TMED3: variants seen among roughly 807,000 people sequenced by gnomAD.
TMED3 encodes transmembrane p24 trafficking protein 3.
Under a neutral mutation model 15.0 loss-of-function variants are expected in TMED3, and 9 were observed. The observed-to-expected ratio is 0.60, with a 90% CI of 0.36 to 1.04. The LOEUF is 1.04. TMED3 is among the 50% of genes least tolerant of loss of function. The probability of loss-of-function intolerance (pLI) is 0.01; values close to 1 mark genes in which losing one functional copy is unlikely to be tolerated. For missense variants in TMED3, 267 were observed against 278.9 expected (o/e 0.96, Z 0.30); for synonymous variants, 117 against 121.4 (o/e 0.96, Z 0.24).
chr15:79,398,047 G>T (rs1221526924), intron 2 of TMED3, among the ~76,000 whole-genome samples: 1 of 152,010 alleles, frequency 6.6e-6, no homozygotes, highest in African/African-American at 2.4e-5. Context: ...TACATCCTTT[G>T]GTTTTGGACA....
chr15:79,354,607 C>T (rs987900942), intron 2 of TMED3, among the ~76,000 whole-genome samples: 32 of 143,004 alleles, frequency 2.2e-4, no homozygotes, highest in Middle Eastern at 3.6e-3. Context: ...GAAAACACTC[C>T]AATGAATAGA....
At chr15:79,371,312 G>A (rs1482097199) in intron 2 of TMED3, among the ~76,000 whole-genome samples, 1 of 152,122 alleles carries the variant, frequency 6.6e-6, no homozygotes, top group Admixed American at 6.5e-5. Context: ...CATATAAAAT[G>A]TCTTTTGTTG....
intron 2 of TMED3, among the ~76,000 whole-genome samples, chr15:79,401,821 G>A (rs182485872): frequency 6.6e-6 from 1 of 152,238 alleles, no homozygotes; most frequent in Non-Finnish European, 1.5e-5. Flanking sequence ...TGTTGGGTGG[G>A]GATGTTTAAT....
At chr15:79,386,426 A>G (rs1201869841) in intron 2 of TMED3, among the ~76,000 whole-genome samples, 1 of 152,114 alleles carries the variant, frequency 6.6e-6, no homozygotes, top group Non-Finnish European at 1.5e-5. Flanking sequence ...TTATGTTATT[A>G]TATGCTACAT....
downstream of TMED3, among the ~76,000 whole-genome samples, chr15:79,324,140 G>A (rs369542358): frequency 2.5e-3 from 374 of 152,158 alleles, no homozygotes; most frequent in African/African-American, 8.5e-3. Context: ...ACAGGCACCC[G>A]CCACCACGCC....
In TMED3 at chr15:79,389,905, A is replaced by G. The variant is rs1893675844; in HGVS notation, c.418-21495A>G. Among the ~76,000 whole-genome samples, 5 of 152,176 alleles carry G rather than the reference A, an allele frequency of 3.3e-5. No homozygotes were observed. In the South Asian group the frequency reaches 1.0e-3, roughly 32 times the overall value. On this transcript the variant is annotated intron_variant, in intron 2 of 2. Transcript: ENST00000424155. ...TTCTCCACTTGGTTGCTGTTGGTGTATAGAAGAGCTACTGATCTGTGTACA... is the reference window on the plus strand; with the variant it reads ...TTCTCCACTTGGTTGCTGTTGGTGTGTAGAAGAGCTACTGATCTGTGTACA...
intron 2 of TMED3, among the ~76,000 whole-genome samples, chr15:79,335,906 T>C (rs2058825360): frequency 6.6e-6 from 1 of 152,206 alleles, no homozygotes; most frequent in African/African-American, 2.4e-5. Context: ...TTGTGTGGCA[T>C]TTCATTAATC....
Position 79,401,678 on chromosome 15 carries a change from A to C in TMED3, c.418-9722A>C, listed in dbSNP as rs140274613. On this transcript the variant is annotated intron_variant, in intron 2 of 2. Transcript: ENST00000424155. Reference sequence around the variant, plus strand: ...AAAACGAAGAACAGTGACATGGGGTAGTGCGAAAGAGTTACTTCACCTTTC... The same window carrying C: ...AAAACGAAGAACAGTGACATGGGGTCGTGCGAAAGAGTTACTTCACCTTTC... Among the ~76,000 whole-genome samples the C allele has an allele frequency of 7.9e-5, 12 of 152,332 alleles. 1 individual carries two copies. In the East Asian group the frequency reaches 2.3e-3, roughly 29 times the overall value.
chr15:79,339,435 C>G (rs938425741), intron 2 of TMED3, among the ~76,000 whole-genome samples: 1 of 152,186 alleles, frequency 6.6e-6, no homozygotes, highest in Admixed American at 6.5e-5. Flanking sequence ...TCTCCGCACA[C>G]GGGGAGAGAC....
chr15:79,328,361 T>C (rs2865229), intron 2 of TMED3, among the ~76,000 whole-genome samples: 86,578 of 151,664 alleles, frequency 0.57, 24,924 homozygotes, highest in Middle Eastern at 0.69. Context: ...AAACCCCATT[T>C]TCCTTTAATT....
intron 2 of TMED3, among the ~76,000 whole-genome samples, chr15:79,338,293 C>T (rs1380970657): frequency 6.6e-6 from 1 of 152,084 alleles, no homozygotes; most frequent in African/African-American, 2.4e-5. Flanking sequence ...AAAATATTAG[C>T]ATTTGTTAGT....
intron 2 of TMED3, among the ~76,000 whole-genome samples, chr15:79,364,992 G>A (rs1038418479): frequency 1.3e-5 from 2 of 152,224 alleles, no homozygotes; most frequent in African/African-American, 2.4e-5. Flanking sequence ...AGCTGTCTGC[G>A]GATGGCAGGG....
At chr15:79,353,323 TATA>T (rs2058904786) in intron 2 of TMED3, among the ~76,000 whole-genome samples, 1 of 76,434 alleles carries the variant, frequency 1.3e-5, no homozygotes, top group Non-Finnish European at 2.4e-5. Flanking sequence ...ATATAATATA[TATA>T]ATATATATTA....
At chr15:79,368,608 A>T (rs1349009636) in intron 2 of TMED3, among the ~76,000 whole-genome samples, 1 of 152,180 alleles carries the variant, frequency 6.6e-6, no homozygotes, top group Non-Finnish European at 1.5e-5. Context: ...GTATCTTAAT[A>T]AATCTAATCT....
intron 2 of TMED3, among the ~76,000 whole-genome samples, chr15:79,410,729 T>G (rs537367750): frequency 1.4e-4 from 22 of 152,016 alleles, no homozygotes; most frequent in African/African-American, 5.3e-4. Context: ...TTCTCGTAGA[T>G]GCATGTATAT....
intron 2 of TMED3, among the ~76,000 whole-genome samples, chr15:79,380,655 T>C (rs1893517283): frequency 6.6e-6 from 1 of 150,944 alleles, no homozygotes; most frequent in African/African-American, 2.4e-5. Context: ...CAGAGGACTC[T>C]CCCTCAAGAG....
chr15:79,413,172 CT>C (rs368401637), exon 3 of TMED3: 18 of 152,346 alleles, frequency 1.2e-4, no homozygotes, highest in African/African-American at 4.3e-4. Context: ...TACCTTCTTT[CT>C]CCAAATGACC....
intron 2 of TMED3, among the ~76,000 whole-genome samples, chr15:79,340,473 A>C (rs2058847587): frequency 6.6e-6 from 1 of 152,214 alleles, no homozygotes. Context: ...CACCCCGCTA[A>C]ATCTCTCTTA....
intron 2 of TMED3, among the ~76,000 whole-genome samples, chr15:79,315,042 C>T (rs1480893942): frequency 6.6e-6 from 1 of 152,140 alleles, no homozygotes; most frequent in African/African-American, 2.4e-5. Context: ...GCACGTGTGC[C>T]AGAACCAAAG....
Sources: allele counts gnomAD v4.1 joint callset (sites outside exome capture counted in the v4.1 genomes callset), GRCh38; gene constraint gnomAD v4.1.1; transcripts MANE v1.5; gene names NCBI Gene and HGNC (gene_info 2026-07-23, HGNC 2026-07-21).